Variants in ARFGEF1 observed in about 807,000 individuals in gnomAD.
ARFGEF1 encodes the protein brefeldin A-inhibited guanine nucleotide-exchange protein 1.
ARFGEF1 carries 42 observed loss-of-function variants against 231.0 expected under a neutral mutation model. That is an observed-to-expected ratio of 0.18 (90% CI 0.14 to 0.24). The LOEUF (loss-of-function observed/expected upper bound fraction) is 0.24. Among genes scored for constraint, ARFGEF1 ranks in the 10% least tolerant of loss-of-function variants. The probability of loss-of-function intolerance (pLI) is 1.00; values close to 1 mark genes in which losing one functional copy is unlikely to be tolerated. For synonymous variants in ARFGEF1, 710 were observed against 732.3 expected, an observed-to-expected ratio of 0.97 and a Z score of 0.49; for missense variants, 1,345 against 2,192.0, an observed-to-expected ratio of 0.61 and a Z score of 7.72.
At chr8:67,328,431 C>A (rs762964921) in intron 1 of ARFGEF1, among the ~76,000 whole-genome samples, 4 of 151,976 alleles carry the variant, frequency 2.6e-5, no homozygotes, top group Non-Finnish European at 5.9e-5. Context: ...TTTGCACACA[C>A]AAGTATTTTT....
In ARFGEF1 at chr8:67,312,868, A is replaced by G. The variant is rs531283599; in HGVS notation, c.125-10402T>C. On this transcript the variant is annotated intron_variant, in intron 1 of 38. Transcript: ENST00000262215. ...ATCAGTATACTGTGAAAAGCTATGT[A>G]TGAATAATGTAATGCCTAGTACAAC... is the stretch of plus-strand genomic sequence containing the variant. 9.8e-5 allele frequency among the ~76,000 whole-genome samples: 15 copies of G among 152,328 alleles called. No individual in the cohort carries two copies. The South Asian group carries it at 3.1e-3, about 32-fold the overall frequency.
intron 19 of ARFGEF1, among the ~76,000 whole-genome samples, chr8:67,241,324 A>C (rs1839919871): frequency 6.6e-6 from 1 of 152,238 alleles, no homozygotes; most frequent in South Asian, 2.1e-4. Flanking sequence ...TACAGAGAGA[A>C]GCTGAGAGAA....
At chr8:67,262,969 T>C (rs1587160194) in intron 14 of ARFGEF1, among the ~76,000 whole-genome samples, 1 of 152,282 alleles carries the variant, frequency 6.6e-6, no homozygotes, top group Non-Finnish European at 1.5e-5. Flanking sequence ...GAACCCACAA[T>C]ATCCCTAAGG....
intron 30 of ARFGEF1, among the ~76,000 whole-genome samples, chr8:67,219,020 G>A (rs148063824): frequency 0.033 from 5,054 of 152,222 alleles, 106 homozygotes; most frequent in Middle Eastern, 0.058. Context: ...AGGCTGCAGT[G>A]CAGTGGCGCG....
intron 4 of ARFGEF1, among the ~76,000 whole-genome samples, chr8:67,296,891 A>T (rs1806259431): frequency 6.6e-6 from 1 of 152,152 alleles, no homozygotes; most frequent in South Asian, 2.1e-4. Context: ...GCTTCATGCA[A>T]GCCTCCCACC....
chr8:67,325,066 A>G (rs1208187014), intron 1 of ARFGEF1, among the ~76,000 whole-genome samples: 1 of 152,126 alleles, frequency 6.6e-6, no homozygotes, highest in Non-Finnish European at 1.5e-5. Flanking sequence ...GGTATGCACC[A>G]CCATGCCCGG....
intron 10 of ARFGEF1, among the ~76,000 whole-genome samples, chr8:67,270,063 G>C (rs1450238828): frequency 2.0e-5 from 3 of 152,162 alleles, no homozygotes; most frequent in Non-Finnish European, 4.4e-5. Flanking sequence ...ATCATCAGAT[G>C]AAAGACTTCT....
intron 3 of ARFGEF1, 123 bp from the exon 4 acceptor site, chr8:67,299,478 A>G: frequency 1.1e-6 from 1 of 915,104 alleles, no homozygotes; most frequent in Non-Finnish European, 1.6e-6. Context: ...ACAAAAACAT[A>G]AAGGTATTAT....
rs118141107 is a variant in ARFGEF1, at chr8:67,176,162, G to A, written c.561-590C>T. On this transcript the variant is annotated intron_variant, in intron 5 of 5. Transcript: ENST00000518789. Reference sequence around the variant, plus strand: ...ACTGATGGGCCCTGACGATAGCCAGGTGTACTGCATGGCCTTCCCATCTGT... The same window carrying A: ...ACTGATGGGCCCTGACGATAGCCAGATGTACTGCATGGCCTTCCCATCTGT... 2.3e-4 allele frequency among the ~76,000 whole-genome samples: 35 copies of A among 152,226 alleles called. No homozygotes were observed. In the East Asian group the frequency reaches 6.8e-3, roughly 29 times the overall value.
chr8:67,343,383 A>AGG lies in ARFGEF1; in HGVS notation c.-98_-97dup. 1 of 1,050,238 alleles carries AGG rather than the reference A, an allele frequency of 9.5e-7. No homozygotes were observed. Among genetic ancestry groups the AGG allele is most frequent in the South Asian group, 1.9e-5 (1 of 52,698 alleles). The allele number at this position is 1,050,238 out of a possible 1,614,324, so 65.1% of individuals were successfully genotyped here. A position where few individuals can be genotyped will look rare whatever the true frequency, so the allele number is the denominator to read the frequency against. On this transcript the variant is annotated 5_prime_UTR_variant, in exon 1 of 39. Coordinates refer to ENST00000262215, the MANE Select transcript of ARFGEF1 (RefSeq NM_006421.5). ...GGAAGGAAGAGAAGAGAGAAAGGAG[A>AGG]GGGGGTGGAGGTGGGGGATTGGAGG...
intron 38 of ARFGEF1, chr8:67,199,471 G>A: frequency 5.3e-6 from 1 of 187,666 alleles, no homozygotes; most frequent in Non-Finnish European, 1.1e-5. Context: ...TAAGTTTTGG[G>A]GAAAATTCTA....
chr8:67,211,340 C>G (rs192551311), intron 34 of ARFGEF1, 143 bp downstream of exon 34: 2 of 543,978 alleles, frequency 3.7e-6, no homozygotes, highest in Admixed American at 5.0e-5. Context: ...AGTGAAACTC[C>G]GTCTCAAAAA....
At chr8:67,304,106 G>C (rs756547991) in intron 1 of ARFGEF1, among the ~76,000 whole-genome samples, 44 of 152,042 alleles carry the variant, frequency 2.9e-4, no homozygotes, top group Non-Finnish European at 5.9e-4. Context: ...GCTAAATTGG[G>C]GTATGATAAA....
intron 14 of ARFGEF1, among the ~76,000 whole-genome samples, chr8:67,263,371 C>A (rs1218543634): frequency 6.6e-6 from 1 of 152,204 alleles, no homozygotes; most frequent in African/African-American, 2.4e-5. Flanking sequence ...AGGCTGCCAG[C>A]AAAGTCCTAT....
rs955278598 is a variant in ARFGEF1, at chr8:67,234,656, A to G, written c.3290-1711T>C. On this transcript the variant is annotated intron_variant, in intron 22 of 38. Transcript: ENST00000262215. ...AGACAGACTAGAAAAAAGAATGTGA[A>G]GAGCCTTGACCCTTAGGTTTAATGT... Among the ~76,000 whole-genome samples the G allele has an allele frequency of 5.9e-5, 9 of 152,288 alleles. No individual in the cohort carries two copies. In the South Asian group the frequency reaches 1.9e-3, roughly 32 times the overall value.
At chr8:67,242,226 A>G (rs1431520968) in intron 19 of ARFGEF1, among the ~76,000 whole-genome samples, 2 of 152,208 alleles carry the variant, frequency 1.3e-5, no homozygotes, top group Non-Finnish European at 2.9e-5. Flanking sequence ...CTACTGAGAC[A>G]CCAGCTAGAG....
chr8:67,251,457 C>T lies in ARFGEF1; in HGVS notation c.2699-7G>A, dbSNP rs1287858663. 1.3e-6 allele frequency: 2 copies of T among 1,584,476 alleles called. No individual in the cohort carries two copies. Among genetic ancestry groups the T allele is most frequent in the Non-Finnish European group, 8.6e-7 (1 of 1,168,096 alleles). ...TGTTTTTCACTGGCTACATCTGAAACAATAAACACTATCAGCATTTTAAAT... is the reference window on the plus strand; with the variant it reads ...TGTTTTTCACTGGCTACATCTGAAATAATAAACACTATCAGCATTTTAAAT... On this transcript the variant is annotated splice_polypyrimidine_tract_variant and splice_region_variant and intron_variant, in intron 18 of 38. Transcript: ENST00000262215.
chr8:67,285,828 C>A (rs1337579590), intron 7 of ARFGEF1, among the ~76,000 whole-genome samples: 1 of 152,016 alleles, frequency 6.6e-6, no homozygotes, highest in Non-Finnish European at 1.5e-5. Context: ...AAGAAACCAT[C>A]CAATAAATCC....
At position 67,266,050 on chromosome 8, in the gene ARFGEF1, C is replaced by T. The variant is rs1280783321; in HGVS notation, c.2079G>A (p.Glu693=). The T allele has an allele frequency of 6.2e-7, 1 of 1,613,828 alleles. No homozygotes were observed. Among genetic ancestry groups the T allele is most frequent in the Non-Finnish European group, 8.5e-7 (1 of 1,179,816 alleles). Reference sequence around the variant, plus strand: ...TTATTTCTTTTTGTTGCTTTAGGACCTCAAATTGTTCTGGATTATCAGTGC... The same window carrying T: ...TTATTTCTTTTTGTTGCTTTAGGACTTCAAATTGTTCTGGATTATCAGTGC... ...MSGTDNPEQF[E]VLKQQKEIIE... Residue 693 remains glutamate, a synonymous_variant, in exon 14 of 39, where the codon GAG becomes GAA. Transcript: ENST00000262215.
Sources: allele counts gnomAD v4.1 joint callset (sites outside exome capture counted in the v4.1 genomes callset), GRCh38; gene constraint gnomAD v4.1.1; transcripts MANE v1.5; gene names NCBI Gene and HGNC (gene_info 2026-07-23, HGNC 2026-07-21).